The following PDE8B variants were observed in gnomAD, a reference collection of about 807,000 sequenced individuals.
PDE8B encodes phosphodiesterase 8B, also known as high affinity cAMP-specific and IBMX-insensitive 3',5'-cyclic phosphodiesterase 8B.
A neutral mutation model predicts 101.3 loss-of-function variants in PDE8B; 26 were observed. The ratio of observed to expected loss-of-function variants is 0.26; its 90% CI spans 0.19 to 0.36. The LOEUF (loss-of-function observed/expected upper bound fraction) is 0.36, where lower values mean the gene tolerates loss of function less well. PDE8B is among the 10% of genes least tolerant of loss of function. PDE8B has a pLI of 1.00. For missense variants in PDE8B, 810 were observed against 1,163.1 expected, an observed-to-expected ratio of 0.70 and a Z score of 4.42; for synonymous variants, 424 against 429.3, an observed-to-expected ratio of 0.99 and a Z score of 0.15.
At chr5:77,275,546 C>G (rs917494881) in intron 1 of PDE8B, among the ~76,000 whole-genome samples, 8 of 152,164 alleles carry the variant, frequency 5.3e-5, no homozygotes, top group African/African-American at 1.9e-4. Context: ...GAATGTGGAT[C>G]TGATGCTTGG....
At chr5:77,260,055 T>C (rs1321166229) in intron 1 of PDE8B, among the ~76,000 whole-genome samples, 1 of 150,608 alleles carries the variant, frequency 6.6e-6, no homozygotes, top group Non-Finnish European at 1.5e-5. Flanking sequence ...TCCCAGCTAC[T>C]TGGGAGGCTG....
chr5:77,365,964 C>T (rs1332759470), intron 10 of PDE8B, among the ~76,000 whole-genome samples: 2 of 152,242 alleles, frequency 1.3e-5, no homozygotes, highest in South Asian at 2.1e-4. Flanking sequence ...AGGCACTTTA[C>T]TTCCTGATTA....
the PDE8B span, among the ~76,000 whole-genome samples, chr5:77,163,992 T>G: frequency 4.6e-5 from 7 of 152,214 alleles, no homozygotes; most frequent in Admixed American, 3.3e-4. Flanking sequence ...TAATCTTACT[T>G]CCTGGTAAAT....
At chr5:77,280,148 C>A (rs1764666436) in intron 1 of PDE8B, among the ~76,000 whole-genome samples, 1 of 152,198 alleles carries the variant, frequency 6.6e-6, no homozygotes, top group South Asian at 2.1e-4. Context: ...CGTACCTGGG[C>A]TCTTTATCTT....
At position 77,329,616 on chromosome 5, in the gene PDE8B, G is replaced by A. The variant is rs114768920; in HGVS notation, c.650+559G>A. 4.7e-3 allele frequency among the ~76,000 whole-genome samples: 722 copies of A among 152,274 alleles called. 4 individuals carry two copies. Among genetic ancestry groups the A allele is most frequent in the South Asian group, 0.015 (71 of 4,828 alleles). On this transcript the variant is annotated intron_variant, in intron 4 of 21. Transcript: ENST00000264917. Reference sequence around the variant, plus strand: ...GGTGCAATGAAACTGTAGGATGAGCGCTTGCTCTGCTGGGTTTATCGTCTG... The same window carrying A: ...GGTGCAATGAAACTGTAGGATGAGCACTTGCTCTGCTGGGTTTATCGTCTG...
chr5:77,371,146 T>TA (rs1785020284), intron 10 of PDE8B, among the ~76,000 whole-genome samples: 2 of 152,216 alleles, frequency 1.3e-5, no homozygotes, highest in Admixed American at 6.5e-5. Flanking sequence ...TTTAATTTGT[T>TA]AATATTTTAT....
intron 10 of PDE8B, among the ~76,000 whole-genome samples, chr5:77,387,040 C>G (rs11958889): frequency 6.7e-6 from 1 of 149,896 alleles, no homozygotes; most frequent in Non-Finnish European, 1.5e-5. Flanking sequence ...CCCGCCACCG[C>G]GCCCGGCTAA....
chr5:77,361,936 C>T (rs1183450832), intron 10 of PDE8B, among the ~76,000 whole-genome samples: 2 of 152,152 alleles, frequency 1.3e-5, no homozygotes, highest in African/African-American at 2.4e-5. Flanking sequence ...CCAGCAAAAG[C>T]ATTTTGTGGG....
At chr5:77,278,837 T>G (rs928201313) in intron 1 of PDE8B, among the ~76,000 whole-genome samples, 7 of 152,202 alleles carry the variant, frequency 4.6e-5, no homozygotes, top group Admixed American at 1.3e-4. Flanking sequence ...AACATCAATT[T>G]TTTACGCTTT....
chr5:77,359,019 C>T (rs1210650653), intron 10 of PDE8B, among the ~76,000 whole-genome samples: 3 of 150,944 alleles, frequency 2.0e-5, no homozygotes, highest in African/African-American at 7.3e-5. Flanking sequence ...ATTTTTTTTT[C>T]CTGAGAAACC....
intron 11 of PDE8B, among the ~76,000 whole-genome samples, chr5:77,400,895 A>C (rs1019492676): frequency 6.6e-6 from 1 of 152,192 alleles, no homozygotes; most frequent in East Asian, 1.9e-4. Flanking sequence ...GTCTGCTACC[A>C]AGAAGTTAAG....
At chr5:77,204,300 A>G in the PDE8B span, among the ~76,000 whole-genome samples, 1 of 151,500 alleles carries the variant, frequency 6.6e-6, no homozygotes, top group African/African-American at 2.4e-5. Flanking sequence ...ATTCCCAGCT[A>G]TTTGGGAGGC....
chr5:77,228,102 A>C (rs1752808591), intron 1 of PDE8B, among the ~76,000 whole-genome samples: 1 of 152,136 alleles, frequency 6.6e-6, no homozygotes, highest in African/African-American at 2.4e-5. Flanking sequence ...AAATCTTCCA[A>C]GCTTATCTAC....
At chr5:77,389,329 C>A (rs775035525) in intron 10 of PDE8B, among the ~76,000 whole-genome samples, 1 of 152,164 alleles carries the variant, frequency 6.6e-6, no homozygotes, top group Non-Finnish European at 1.5e-5. Context: ...GGAGGGAATT[C>A]TCCGACCACT....
intron 17 of PDE8B, among the ~76,000 whole-genome samples, chr5:77,417,715 G>A (rs1388426419): frequency 6.6e-6 from 1 of 152,064 alleles, no homozygotes; most frequent in East Asian, 1.9e-4. Context: ...TAATTTTCCT[G>A]GCAAAGTTAT....
Position 77,425,617 on chromosome 5 carries a change from T to TA in PDE8B, c.2419-149dup, listed in dbSNP as rs1406032549. 4 of 767,562 alleles carry TA rather than the reference T, an allele frequency of 5.2e-6. No homozygotes were observed. In the Admixed American group the frequency reaches 7.8e-5, roughly 15 times the overall value. The allele number at this position is 767,562 out of a possible 1,614,324, so 47.5% of individuals were successfully genotyped here. ...TGTAGTCAGTGTAGCTCAGCTGACT[T>TA]ACGTAAGTCTGAGGACCTTGCTGAG... On this transcript the variant is annotated intron_variant, in intron 20 of 21. Coordinates refer to ENST00000264917, the MANE Select transcript of PDE8B (RefSeq NM_003719.5).
intron 1 of PDE8B, among the ~76,000 whole-genome samples, chr5:77,301,435 C>A (rs192402675): frequency 1.3e-5 from 2 of 152,310 alleles, no homozygotes; most frequent in Admixed American, 1.3e-4. Context: ...TTTCTCCCAA[C>A]TTCATGTAAT....
chr5:77,180,009 C>T, the PDE8B span, among the ~76,000 whole-genome samples: 1 of 152,170 alleles, frequency 6.6e-6, no homozygotes, highest in Admixed American at 6.5e-5. Flanking sequence ...GGGCTGCAGG[C>T]AAATCTGATC....
At chr5:77,421,754 G>A in intron 19 of PDE8B, 67 bp from the exon 20 acceptor site, 2 of 1,494,266 alleles carry the variant, frequency 1.3e-6, no homozygotes, top group African/African-American at 2.7e-5. Context: ...CGAATGCCTG[G>A]CGAATTAACC....
Sources: allele counts gnomAD v4.1 joint callset (sites outside exome capture counted in the v4.1 genomes callset), GRCh38; gene constraint gnomAD v4.1.1; transcripts MANE v1.5; gene names NCBI Gene and HGNC (gene_info 2026-07-23, HGNC 2026-07-21).